The following SCFD2 variants were observed in gnomAD, a reference collection of about 807,000 sequenced individuals.
The protein encoded by SCFD2 is sec1 family domain containing 2.
Under a neutral mutation model 58.9 loss-of-function variants are expected in SCFD2, and 54 were observed. The ratio of observed to expected loss-of-function variants is 0.92; its 90% CI spans 0.74 to 1.15. The LOEUF is 1.15. SCFD2 is among the 50% of genes most tolerant of loss of function. The pLI, the probability that SCFD2 is intolerant of heterozygous loss-of-function variation, is 0.00. For missense variants in SCFD2, 805 were observed against 836.6 expected (o/e 0.96, Z 0.47); for synonymous variants, 321 against 335.9 (o/e 0.96, Z 0.49).
chr4:53,000,669 CT>C (rs1248170658), intron 5 of SCFD2, among the ~76,000 whole-genome samples: 52 of 152,348 alleles, frequency 3.4e-4, no homozygotes, highest in African/African-American at 1.3e-3. Flanking sequence ...CCTACTGCCC[CT>C]GGTCCTCGCT....
intron 4 of SCFD2, among the ~76,000 whole-genome samples, chr4:53,190,448 A>G (rs905766149): frequency 2.0e-5 from 3 of 152,120 alleles, no homozygotes; most frequent in Non-Finnish European, 4.4e-5. Context: ...CTGCCAATAG[A>G]TGATACAAGT....
At chr4:53,168,355 C>T (rs1727077567) in intron 4 of SCFD2, among the ~76,000 whole-genome samples, 1 of 152,156 alleles carries the variant, frequency 6.6e-6, no homozygotes, top group Admixed American at 6.5e-5. Flanking sequence ...AGGAAACCAC[C>T]CCTGATTTAG....
At chr4:53,020,253 G>C (rs1289634211) in intron 5 of SCFD2, among the ~76,000 whole-genome samples, 2 of 152,142 alleles carry the variant, frequency 1.3e-5, no homozygotes, top group Non-Finnish European at 2.9e-5. Flanking sequence ...TTAATTAGAT[G>C]ATGCCTTTTC....
intron 2 of SCFD2, among the ~76,000 whole-genome samples, chr4:53,347,935 AG>A (rs1734103726): frequency 6.6e-6 from 1 of 152,272 alleles, no homozygotes; most frequent in South Asian, 2.1e-4. Context: ...AAATGCAAGT[AG>A]GGCATCAGGT....
intron 5 of SCFD2, among the ~76,000 whole-genome samples, chr4:52,978,692 A>G (rs528754879): frequency 6.6e-6 from 1 of 152,234 alleles, no homozygotes; most frequent in African/African-American, 2.4e-5. Context: ...AGAAAAAAAA[A>G]AGAAAGGAAC....
rs564949870 is a variant in SCFD2 at position 52,946,263 on chromosome 4, G to A, written c.1562-25393C>T. ...GCATTTTCTAAAGCTGTGATTATCAGCCGTGAACATCATAGGTTTATCTCA... is the reference window on the plus strand; with the variant it reads ...GCATTTTCTAAAGCTGTGATTATCAACCGTGAACATCATAGGTTTATCTCA... On this transcript the variant is annotated intron_variant, in intron 5 of 8. Coordinates refer to ENST00000401642, the MANE Select transcript of SCFD2 (RefSeq NM_152540.4). 9.2e-5 allele frequency among the ~76,000 whole-genome samples: 14 copies of A among 152,070 alleles called. No homozygotes were observed. In the East Asian group the frequency reaches 2.7e-3, roughly 29 times the overall value.
chr4:53,047,216 G>T (rs922852417), intron 5 of SCFD2, among the ~76,000 whole-genome samples: 9 of 152,308 alleles, frequency 5.9e-5, no homozygotes, highest in South Asian at 4.1e-4. Flanking sequence ...GAGAGGCTGA[G>T]GCAGGAGGAC....
Position 53,267,596 on chromosome 4 carries a change from C to T in SCFD2, c.1311+6230G>A, listed in dbSNP as rs139990604. The stretch of plus-strand genomic sequence containing the variant: ...TTATTTATTTATTTAAGAGATTGGG[C>T]GGAGGCAAAGGGGTCTCTCTGTGTT... On this transcript the variant is annotated intron_variant, in intron 4 of 8. Transcript: ENST00000401642. Among the ~76,000 whole-genome samples, 9 of 152,174 alleles carry T rather than the reference C, an allele frequency of 5.9e-5. No individual in the cohort carries two copies. The East Asian group carries it at 1.4e-3, about 23-fold the overall frequency.
chr4:53,140,069 G>C (rs1439569319), intron 5 of SCFD2, among the ~76,000 whole-genome samples: 644 of 140,526 alleles, frequency 4.6e-3, no homozygotes, highest in African/African-American at 0.015. Flanking sequence ...CAAACACTGC[G>C]GAAGGCGGCA....
intron 2 of SCFD2, among the ~76,000 whole-genome samples, chr4:53,344,327 C>T (rs1178130974): frequency 1.3e-5 from 2 of 152,122 alleles, no homozygotes; most frequent in East Asian, 1.9e-4. Flanking sequence ...AGAGCCAAAT[C>T]ATGAGTGAAC....
Position 52,873,195 on chromosome 4 carries a change from A to G in SCFD2, c.*774T>C, listed in dbSNP as rs1403901358. On this transcript the variant is annotated 3_prime_UTR_variant, in exon 9 of 9. Coordinates refer to ENST00000401642, the MANE Select transcript of SCFD2 (RefSeq NM_152540.4). ...ATTTCAATCAAAACTCATACCCACAAAGTCCACAGGGGTTGCTGTTACAAT... is the reference window on the plus strand; with the variant it reads ...ATTTCAATCAAAACTCATACCCACAGAGTCCACAGGGGTTGCTGTTACAAT... The G allele has an allele frequency of 6.6e-6, 1 of 152,258 alleles. No individual in the cohort carries two copies. Among genetic ancestry groups the G allele is most frequent in the African/African-American group, 2.4e-5 (1 of 41,472 alleles). 9.4% of individuals were successfully genotyped at this position (152,258 alleles called of 1,614,324 possible).
intron 5 of SCFD2, among the ~76,000 whole-genome samples, chr4:52,939,990 G>C (rs1180177891): frequency 6.6e-6 from 1 of 152,222 alleles, no homozygotes; most frequent in African/African-American, 2.4e-5. Context: ...AGCTGGCTTA[G>C]GAATTCAAAC....
chr4:53,078,563 C>G (rs1724049139), intron 5 of SCFD2, among the ~76,000 whole-genome samples: 1 of 152,146 alleles, frequency 6.6e-6, no homozygotes, highest in South Asian at 2.1e-4. Context: ...TTTCCTCGGG[C>G]ATTGACTCTA....
In SCFD2 at chr4:53,050,390, G is replaced by A. The variant is rs761898150; in HGVS notation, c.1561+94943C>T. ...GGCTAAATAGCTGTCGTGATTAAAC[G>A]AATCAAGATAGGTTGTAGAGGAGGC... On this transcript the variant is annotated intron_variant, in intron 5 of 8. Transcript: ENST00000401642. 1.1e-4 allele frequency among the ~76,000 whole-genome samples: 17 copies of A among 152,294 alleles called. No homozygotes were observed. In the South Asian group the frequency reaches 3.3e-3, roughly 30 times the overall value.
chr4:53,133,689 T>A (rs945227690), intron 5 of SCFD2, among the ~76,000 whole-genome samples: 4 of 152,210 alleles, frequency 2.6e-5, no homozygotes, highest in Non-Finnish European at 5.9e-5. Context: ...CATGGTTTCC[T>A]TTGGAAACTA....
At chr4:53,216,845 T>C (rs1228365255) in intron 4 of SCFD2, among the ~76,000 whole-genome samples, 1 of 152,234 alleles carries the variant, frequency 6.6e-6, no homozygotes, top group African/African-American at 2.4e-5. Flanking sequence ...TGGTATGTTG[T>C]GTCTTTGTTC....
intron 4 of SCFD2, among the ~76,000 whole-genome samples, chr4:53,178,513 A>G (rs1727423929): frequency 6.6e-6 from 1 of 152,228 alleles, no homozygotes; most frequent in East Asian, 1.9e-4. Context: ...CACCATCATC[A>G]AAGGCCAAAG....
chr4:53,328,509 G>C (rs2149127774), intron 2 of SCFD2, among the ~76,000 whole-genome samples: 1 of 152,144 alleles, frequency 6.6e-6, no homozygotes, highest in Middle Eastern at 3.4e-3. Context: ...TAACATCAAA[G>C]CAAATAATAA....
In SCFD2 at chr4:53,213,556, T is replaced by G. The variant is rs540502639; in HGVS notation, c.1311+60270A>C. 2.6e-5 allele frequency among the ~76,000 whole-genome samples: 4 copies of G among 152,252 alleles called. No individual in the cohort carries two copies. In the East Asian group the frequency reaches 7.7e-4, roughly 29 times the overall value. ...TCAAGCTGAAAGTAAATTCAGGAAT[T>G]AAGATGTGCAGGCAAATACAGGATA... On this transcript the variant is annotated intron_variant, in intron 4 of 8. Coordinates refer to ENST00000401642, the MANE Select transcript of SCFD2 (RefSeq NM_152540.4).
Sources: gnomAD v4.1 joint callset for allele counts (sites outside exome capture counted in the v4.1 genomes callset) on GRCh38, gnomAD v4.1.1 for gene constraint, MANE v1.5 for transcripts, NCBI Gene and HGNC (gene_info 2026-07-23, HGNC 2026-07-21) for gene names.